BSG: variants seen among roughly 807,000 people sequenced by gnomAD.
BSG encodes basigin.
In BSG, 37 loss-of-function variants were observed where a neutral mutation model predicts 43.1. The observed-to-expected ratio is 0.86, with a 90% CI of 0.66 to 1.13. The LOEUF is 1.13. Ranked by LOEUF, BSG falls within the 50% of genes most tolerant of loss-of-function variation. The pLI is 0.00. For synonymous variants in BSG, 309 were observed against 238.7 expected (o/e 1.29, Z -2.72); for missense variants, 599 against 554.2 (o/e 1.08, Z -0.81).
intron 1 of BSG, chr19:575,035 TTTG>T (rs1197754642): frequency 6.6e-6 from 1 of 152,270 alleles, no homozygotes; most frequent in Non-Finnish European, 1.5e-5. Flanking sequence ...GGTTCACAGT[TTTG>T]TTCCTTTTGT....
upstream of BSG, chr19:572,488 G>T: frequency 8.4e-7 from 1 of 1,185,504 alleles, no homozygotes; most frequent in Non-Finnish European, 1.0e-6. Context: ...GCGCAGGCGG[G>T]GCGACCGGCG....
rs1600503325 is a variant in BSG, at chr19:582,809, C to T, written c.*65C>T. 3.4e-6 allele frequency: 2 copies of T among 580,560 alleles called. No homozygotes were observed. Among genetic ancestry groups the T allele is most frequent in the African/African-American group, 1.9e-5 (1 of 53,452 alleles). The allele number at this position is 580,560 out of a possible 1,614,324, so 36.0% of individuals were successfully genotyped here. ...CCGCCGCCGGAGTCCACTCCCAGTG[C>T]TTGCAAGATTCCAAGTTCTCACCTC... On this transcript the variant is annotated 3_prime_UTR_variant, in exon 9 of 9. Transcript: ENST00000333511.
intron 1 of BSG, among the ~76,000 whole-genome samples, chr19:573,083 G>A (rs1414179127): frequency 8.2e-6 from 1 of 121,692 alleles, no homozygotes; most frequent in Non-Finnish European, 1.7e-5. Context: ...TGCTTCCTGG[G>A]TGAGGGCGTC....
At position 581,296 on chromosome 19, in the gene BSG, C is replaced by T. The variant is rs1401268722; in HGVS notation, c.793-19C>T. The T allele has an allele frequency of 2.5e-6, 4 of 1,603,906 alleles. No individual in the cohort carries two copies. The South Asian group carries it at 4.4e-5, about 18-fold the overall frequency. On this transcript the variant is annotated intron_variant, in intron 5 of 8. Transcript: ENST00000333511. ...TAGACTGGGGGTCCTGGACTCAGCC[C>T]TTGCCTTTGGTCCCCTAGGCCCTCA...
rs1483795151 is a variant in BSG, at chr19:582,788, C to T, written c.*44C>T. The T allele has an allele frequency of 1.3e-5, 8 of 598,094 alleles. No homozygotes were observed. Among genetic ancestry groups the T allele is most frequent in the Middle Eastern group, 2.6e-4 (1 of 3,784 alleles). 37.0% of individuals were successfully genotyped at this position (598,094 alleles called of 1,614,324 possible). A position where few individuals can be genotyped will look rare whatever the true frequency, so the allele number is the denominator to read the frequency against. Reference sequence around the variant, plus strand: ...GCTCCCTGCTCCACGTCTGCGCCGCCGCCGGAGTCCACTCCCAGTGCTTGC... The same window carrying T: ...GCTCCCTGCTCCACGTCTGCGCCGCTGCCGGAGTCCACTCCCAGTGCTTGC... On this transcript the variant is annotated 3_prime_UTR_variant, in exon 9 of 9. Transcript: ENST00000333511.
chr19:571,310 A>C, upstream of BSG: 1 of 585,650 alleles, frequency 1.7e-6, no homozygotes, highest in Non-Finnish European at 3.0e-6. Context: ...GCCCCTTTCC[A>C]GTTAGCCCTT....
intron 1 of BSG, among the ~76,000 whole-genome samples, chr19:574,128 G>A (rs1009566461): frequency 1.3e-5 from 2 of 151,966 alleles, no homozygotes; most frequent in East Asian, 3.9e-4. Context: ...GTTGGCGCAC[G>A]CCTGTAATCC....
chr19:578,571 A>C (rs1981991364), intron 2 of BSG, among the ~76,000 whole-genome samples: 1 of 152,218 alleles, frequency 6.6e-6, no homozygotes, highest in South Asian at 2.1e-4. Context: ...AATATTGTAA[A>C]CTAACCAAGA....
At chr19:578,641 G>A (rs1279912785) in intron 2 of BSG, among the ~76,000 whole-genome samples, 1 of 152,242 alleles carries the variant, frequency 6.6e-6, no homozygotes, top group African/African-American at 2.4e-5. Context: ...CAGCACTGCT[G>A]GAGTGCCGTC....
In BSG at chr19:577,926, G is replaced by A. The variant is rs745729874; in HGVS notation, c.220G>A (p.Ala74Thr). ...CACCTGCTCCCAGCTCTGGGACGGCGCCCGGCTGGACCGCGTCCACATCCA... is the reference window on the plus strand; with the variant it reads ...CACCTGCTCCCAGCTCTGGGACGGCACCCGGCTGGACCGCGTCCACATCCA... ...NDTCSQLWDG[A>T]RLDRVHIHAT... The change falls in exon 2 of 9, where the codon GCC becomes ACC. Residue 74 changes from alanine to threonine, a missense_variant. Coordinates refer to ENST00000333511, the MANE Select transcript of BSG (RefSeq NM_001728.4). 30 of 1,603,922 alleles carry A rather than the reference G, an allele frequency of 1.9e-5. No individual in the cohort carries two copies. The Admixed American group carries it at 2.5e-4, about 13-fold the overall frequency.
rs553637912 is a variant in BSG, at chr19:582,175, C to T, written c.1070-131C>T. The T allele has an allele frequency of 1.9e-4, 237 of 1,235,832 alleles. 1 individual carries two copies. Among genetic ancestry groups the T allele is most frequent in the Non-Finnish European group, 1.0e-4 (90 of 877,714 alleles). 76.6% of individuals were successfully genotyped at this position (1,235,832 alleles called of 1,614,324 possible). ...GCACGTGGCCGGGGCTGATGAGCTG[C>T]CCCGAGCCACCCCTGGGGGTCACTG... On this transcript the variant is annotated intron_variant, in intron 6 of 8. Coordinates refer to ENST00000333511, the MANE Select transcript of BSG (RefSeq NM_001728.4).
In BSG at chr19:578,042, C is replaced by T. The variant is rs777376731; in HGVS notation, c.336C>T (p.Asn112=). ...GCACTTACGAGTGCCGGGCCAGCAA[C>T]GACCCGGATCGCAACCACCTGACCC... ...DTGTYECRAS[N]DPDRNHLTRA... is the part of the protein sequence containing the mutation. Residue 112 remains asparagine, a synonymous_variant, in exon 2 of 9, where the codon AAC becomes AAT. Coordinates refer to ENST00000333511, the MANE Select transcript of BSG (RefSeq NM_001728.4). The T allele has an allele frequency of 5.0e-6, 8 of 1,611,154 alleles. No individual in the cohort carries two copies. The highest frequency in any genetic ancestry group is 3.3e-5 in the Admixed American group (2 of 59,890).
chr19:579,361 C>T (rs759301834), intron 2 of BSG, 139 bp from the exon 3 acceptor site: 15 of 1,198,638 alleles, frequency 1.3e-5, no homozygotes, highest in South Asian at 3.8e-5. Flanking sequence ...CTCCGGTCCT[C>T]GGGGCGTAAG....
intron 1 of BSG, among the ~76,000 whole-genome samples, chr19:576,647 G>A (rs1433119281): frequency 6.6e-6 from 1 of 152,038 alleles, no homozygotes; most frequent in Non-Finnish European, 1.5e-5. Context: ...TGTAATCCCA[G>A]CTACTTGGGA....
At chr19:574,541 A>C in intron 1 of BSG, among the ~76,000 whole-genome samples, 1 of 149,542 alleles carries the variant, frequency 6.7e-6, no homozygotes, top group East Asian at 2.0e-4. Flanking sequence ...CGACAGAGCG[A>C]GACCCCGTCT....
At chr19:579,436 GT>G in intron 2 of BSG, 63 bp from the exon 3 acceptor site, 1 of 1,600,636 alleles carries the variant, frequency 6.2e-7, no homozygotes, top group African/African-American at 1.3e-5. Flanking sequence ...GTTCCTGGGG[GT>G]CAGGCAGGCA....
intron 3 of BSG, chr19:580,124 A>G: frequency 3.8e-6 from 2 of 520,704 alleles, no homozygotes; most frequent in Non-Finnish European, 6.9e-6. Context: ...TGTGGGGTGC[A>G]GAGCAGGGAC....
chr19:581,531 G>A lies in BSG; in HGVS notation c.1009G>A (p.Val337Met), dbSNP rs1165367662. The change falls in exon 6 of 9, where the codon GTG becomes ATG. Residue 337 changes from valine (V) to methionine (M), a missense_variant. Coordinates refer to ENST00000333511, the MANE Select transcript of BSG (RefSeq NM_001728.4). The stretch of plus-strand genomic sequence containing the variant: ...CCTGGGCATCGTGGCTGAGGTGCTG[G>A]TGCTGGTCACCATCATCTTCATCTA... Reference protein sequence around the residue: ...PFLGIVAEVLVLVTIIFIYEK... With the variant: ...PFLGIVAEVLMLVTIIFIYEK... 6.3e-7 allele frequency: 1 copy of A among 1,597,478 alleles called. No individual in the cohort carries two copies. The highest frequency in any genetic ancestry group is 2.3e-5 in the East Asian group (1 of 43,882).
intron 3 of BSG, 31 bp downstream of exon 3, chr19:579,687 T>C: frequency 6.3e-7 from 1 of 1,579,508 alleles, no homozygotes; most frequent in Non-Finnish European, 8.6e-7. Flanking sequence ...TGCCGCCACC[T>C]GCCCCTTCTC....
Sources: gnomAD v4.1 joint callset for allele counts (sites outside exome capture counted in the v4.1 genomes callset) on GRCh38, gnomAD v4.1.1 for gene constraint, MANE v1.5 for transcripts, NCBI Gene and HGNC (gene_info 2026-07-23, HGNC 2026-07-21) for gene names.